Variants in CD101 observed in about 807,000 individuals in gnomAD.
The protein encoded by CD101 is CD101 molecule.
In CD101, 76 loss-of-function variants were observed where a neutral mutation model predicts 98.2. That is an observed-to-expected ratio of 0.77 (90% CI 0.64 to 0.94). The LOEUF (loss-of-function observed/expected upper bound fraction) is 0.94, where lower values mean the gene tolerates loss of function less well. Ranked by LOEUF, CD101 falls within the 40% of genes least tolerant of loss-of-function variation. The probability of loss-of-function intolerance (pLI) is 0.00; values close to 1 mark genes in which losing one functional copy is unlikely to be tolerated. For missense variants in CD101, 1,145 were observed against 1,218.8 expected (o/e 0.94, Z 0.90); for synonymous variants, 471 against 472.7 (o/e 1.00, Z 0.05).
intron 9 of CD101, among the ~76,000 whole-genome samples, chr1:117,034,688 T>C (rs17235780): frequency 2.0e-5 from 3 of 152,240 alleles, no homozygotes; most frequent in Non-Finnish European, 4.4e-5. Context: ...TAAAGGTGCT[T>C]AACTAATACA....
At chr1:117,025,105 G>C (rs939430764) in intron 7 of CD101, among the ~76,000 whole-genome samples, 1 of 152,210 alleles carries the variant, frequency 6.6e-6, no homozygotes, top group African/African-American at 2.4e-5. Flanking sequence ...GCTCATGCCT[G>C]TAATCCCAAC....
intron 8 of CD101, among the ~76,000 whole-genome samples, chr1:117,027,982 G>A (rs1654065960): frequency 6.6e-6 from 1 of 152,150 alleles, no homozygotes; most frequent in Non-Finnish European, 1.5e-5. Context: ...CTACTCGGGA[G>A]GCTGAGGCAG....
intron 1 of CD101, among the ~76,000 whole-genome samples, chr1:117,008,737 C>G (rs924343720): frequency 1.3e-5 from 2 of 151,662 alleles, no homozygotes; most frequent in Admixed American, 6.6e-5. Context: ...TTTTTCCACT[C>G]TGGTCTCCTT....
chr1:117,014,818 G>A (rs1339670224), intron 4 of CD101, among the ~76,000 whole-genome samples: 1 of 152,188 alleles, frequency 6.6e-6, no homozygotes, highest in Non-Finnish European at 1.5e-5. Context: ...TAGGAATGAA[G>A]ATGCACCGAT....
At position 117,022,017 on chromosome 1, in the gene CD101, T is replaced by C; in HGVS notation, c.2428+34T>C. 1 of 1,562,072 alleles carries C rather than the reference T, an allele frequency of 6.4e-7. No homozygotes were observed. Among genetic ancestry groups the C allele is most frequent in the Non-Finnish European group, 8.6e-7 (1 of 1,157,210 alleles). On this transcript the variant is annotated intron_variant, in intron 7 of 9. Transcript: ENST00000682167. This position sits in a 1 kb window ranked among gnomAD's most constrained non-coding sequence, Gnocchi z 4.8. ...TGCGAGTGTATCCTCACAATGTCTG[T>C]CTGTCTGACGGCTGTTTTCTCTTGG...
In CD101 at chr1:117,013,433, C is replaced by T. The variant is rs963628214; in HGVS notation, c.869C>T (p.Ala290Val). The T allele has an allele frequency of 6.2e-7, 1 of 1,611,062 alleles. No homozygotes were observed. Among genetic ancestry groups the T allele is most frequent in the Non-Finnish European group, 8.5e-7 (1 of 1,178,056 alleles). The part of the protein sequence containing the change: ...AVKDFQVNIT[A>V]DSLFAEGKPL... ...AAAGATTTTCAAGTCAACATTACAG[C>T]TGACAGCTTGTTTGCTGAAGGGAAA... The change falls in exon 4 of 10, where the codon GCT becomes GTT. Residue 290 changes from alanine (A) to valine (V), a missense_variant. Ala to Val is a moderately conservative substitution (Grantham distance 64). Coordinates refer to ENST00000682167, the MANE Select transcript of CD101 (RefSeq NM_001256106.3).
At chr1:117,017,883 C>G (rs1653336697) in intron 5 of CD101, among the ~76,000 whole-genome samples, 1 of 152,162 alleles carries the variant, frequency 6.6e-6, no homozygotes, top group South Asian at 2.1e-4. Flanking sequence ...GCTCCACCCA[C>G]TCAGCAGCAG....
At chr1:117,011,522 C>G (rs966444332) in intron 2 of CD101, 28 bp from the exon 3 acceptor site, 2 of 1,592,514 alleles carry the variant, frequency 1.3e-6, no homozygotes, top group Admixed American at 3.4e-5. Flanking sequence ...CTGGGCCAGT[C>G]ACATTATTAT....
In CD101 at chr1:117,025,774, G is replaced by A. The variant is rs1653879700; in HGVS notation, c.2694G>A (p.Gln898=). Residue 898 remains glutamine, a synonymous_variant, in exon 8 of 10, where the codon CAG becomes CAA. Transcript: ENST00000682167. ...SSTDFVLKLH[Q]VEMEDAGMYW... is the part of the protein sequence containing the mutation. ...CAGACTTTGTCCTGAAGCTTCATCA[G>A]GTGGAGATGGAGGATGCAGGAATGT... 6.2e-7 allele frequency: 1 copy of A among 1,614,096 alleles called. No individual in the cohort carries two copies. Among genetic ancestry groups the A allele is most frequent in the African/African-American group, 1.3e-5 (1 of 74,916 alleles).
chr1:117,021,877 C>A lies in CD101; in HGVS notation c.2322C>A (p.Gly774=), dbSNP rs1332440238. ...HILNVEDSDR[G]KYHCAVEEWL... ...TGAATGTGGAAGACAGCGATCGGGGCAAATATCACTGTGCTGTGGAGGAAT... is the reference window on the plus strand; with the variant it reads ...TGAATGTGGAAGACAGCGATCGGGGAAAATATCACTGTGCTGTGGAGGAAT... Residue 774 remains glycine, a synonymous_variant, in exon 7 of 10, where the codon GGC becomes GGA. Transcript: ENST00000682167. The surrounding 1 kb of genome is among the most constrained non-coding windows in gnomAD (Gnocchi z 4.7). 6.2e-7 allele frequency: 1 copy of A among 1,614,132 alleles called. No individual in the cohort carries two copies. Among genetic ancestry groups the A allele is most frequent in the East Asian group, 2.2e-5 (1 of 44,878 alleles).
chr1:117,008,451 C>G (rs1236541148), intron 1 of CD101, among the ~76,000 whole-genome samples: 2 of 151,144 alleles, frequency 1.3e-5, no homozygotes, highest in Non-Finnish European at 2.9e-5. Context: ...GGTGACAGAG[C>G]AAGACCGTGT....
intron 4 of CD101, among the ~76,000 whole-genome samples, chr1:117,015,184 C>T (rs993383658): frequency 6.6e-6 from 1 of 152,178 alleles, no homozygotes; most frequent in African/African-American, 2.4e-5. Context: ...TCCTGTTTAG[C>T]ATTCTGTTTT....
rs776597584 is a variant in CD101 at position 117,021,660 on chromosome 1, G to A, written c.2105G>A (p.Arg702Gln). 62 of 1,613,716 alleles carry A rather than the reference G, an allele frequency of 3.8e-5. No individual in the cohort carries two copies. In the South Asian group the frequency reaches 5.2e-4, roughly 13 times the overall value. The part of the protein sequence containing the change: ...NTDIECSILS[R>Q]SNGNLQLAII... The stretch of plus-strand genomic sequence containing the variant: ...GATATAGAATGTAGCATCTTGTCCC[G>A]GTCCAATGGAAACCTTCAGTTAGCC... The change falls in exon 7 of 10, where the codon CGG (arginine) becomes CAG (glutamine). Residue 702 changes from arginine to glutamine, a missense_variant. Coordinates refer to ENST00000682167, the MANE Select transcript of CD101 (RefSeq NM_001256106.3). This position sits in a 1 kb window ranked among gnomAD's most constrained non-coding sequence, Gnocchi z 4.7.
At position 117,009,907 on chromosome 1, in the gene CD101, C is replaced by G. The variant is rs201203459; in HGVS notation, c.101C>G (p.Ala34Gly). 1,894 of 1,613,910 alleles carry G rather than the reference C, an allele frequency of 1.2e-3. 18 individuals are homozygous for G. The highest frequency in any genetic ancestry group is 2.4e-4 in the Non-Finnish European group (284 of 1,179,982). ...GTTCAGAAAGGACCACTGTTTAGAG[C>G]TGAAGGTTACCCAGTCAGCATTGGC... Reference protein sequence around the residue: ...VTVQKGPLFRAEGYPVSIGCN... With the variant: ...VTVQKGPLFRGEGYPVSIGCN... Residue 34 changes from alanine (A) to glycine (G), a missense_variant, in exon 2 of 10, where the codon GCT becomes GGT. Coordinates refer to ENST00000682167, the MANE Select transcript of CD101 (RefSeq NM_001256106.3).
rs1653296992 is a variant in CD101 at position 117,017,358 on chromosome 1, C to T, written c.1497C>T (p.Thr499=). The change falls in exon 5 of 10, where the codon ACC becomes ACT. Residue 499 remains threonine, a synonymous_variant. Transcript: ENST00000682167. ...GGGCCACCTTCCAGCTGGAGATCAC[C>T]TTCACTGCCATCACAGACAGTGGCA... ...MDWATFQLEI[T]FTAITDSGTY... 1.2e-6 allele frequency: 2 copies of T among 1,614,120 alleles called. No homozygotes were observed. The highest frequency in any genetic ancestry group is 1.7e-5 in the Admixed American group (1 of 60,008).
chr1:117,030,732 G>A (rs746368413), intron 8 of CD101, among the ~76,000 whole-genome samples: 3 of 152,228 alleles, frequency 2.0e-5, no homozygotes, highest in Non-Finnish European at 4.4e-5. Context: ...CTTGTTATCA[G>A]GTTACCTTAC....
intron 1 of CD101, 141 bp downstream of exon 1, chr1:117,002,001 C>G (rs1652256220): frequency 1.6e-5 from 12 of 765,558 alleles, no homozygotes; most frequent in Middle Eastern, 2.6e-4. Context: ...TTTTGACTTA[C>G]TAATGACAGT....
At position 117,006,398 on chromosome 1, in the gene CD101, A is replaced by C. The variant is rs1397904891; in HGVS notation, c.44-3452A>C. Among the ~76,000 whole-genome samples, 1 of 152,150 alleles carries C rather than the reference A, an allele frequency of 6.6e-6. No homozygotes were observed. Among genetic ancestry groups the C allele is most frequent in the Non-Finnish European group, 1.5e-5 (1 of 68,022 alleles). ...TTCATTTTCCTAAAACCTCCTAAAC[A>C]CTTTCAGTGGATTCCCCATTGCCAA... On this transcript the variant is annotated intron_variant, in intron 1 of 9. Transcript: ENST00000682167. The surrounding 1 kb of genome is among the most constrained non-coding windows in gnomAD (Gnocchi z 4.4).
chr1:117,014,185 TTGTGTGTGTGTGTGTG>T (rs3220776), intron 4 of CD101, among the ~76,000 whole-genome samples: 3 of 141,268 alleles, frequency 2.1e-5, no homozygotes, highest in South Asian at 2.5e-4. Context: ...CCCTCTGCCT[TTGTGTGTGTGTGTGTG>T]TGTGTGTGTG....
Sources: allele counts gnomAD v4.1 joint callset (sites outside exome capture counted in the v4.1 genomes callset), GRCh38; gene constraint gnomAD v4.1.1; non-coding constraint Gnocchi (gnomAD v3.1); transcripts MANE v1.5; gene names NCBI Gene and HGNC (gene_info 2026-07-23, HGNC 2026-07-21).